Variants in MDGA2 observed in about 807,000 individuals in gnomAD.
The protein encoded by MDGA2 is MAM domain-containing glycosylphosphatidylinositol anchor protein 2.
In MDGA2, 40 loss-of-function variants were observed where a neutral mutation model predicts 117.8. The observed-to-expected ratio is 0.34, with a 90% CI of 0.26 to 0.44. The LOEUF (loss-of-function observed/expected upper bound fraction) is 0.44. Among genes scored for constraint, MDGA2 ranks in the 20% least tolerant of loss-of-function variants. MDGA2 has a pLI of 1.00. For synonymous variants in MDGA2, 452 were observed against 439.0 expected (o/e 1.03, Z -0.37); for missense variants, 1,123 against 1,250.6 (o/e 0.90, Z 1.54).
At chr14:46,970,493 C>G (rs368535006) in intron 8 of MDGA2, among the ~76,000 whole-genome samples, 43 of 152,116 alleles carry the variant, frequency 2.8e-4, no homozygotes, top group South Asian at 2.7e-3. Context: ...AACTGAATAC[C>G]CATATGCAGA....
chr14:47,055,961 G>C (rs554838249), intron 7 of MDGA2, among the ~76,000 whole-genome samples: 1 of 152,098 alleles, frequency 6.6e-6, no homozygotes, highest in Non-Finnish European at 1.5e-5. Flanking sequence ...TTCAAGGAAA[G>C]AAATTAATAT....
intron 6 of MDGA2, among the ~76,000 whole-genome samples, chr14:47,083,285 A>C (rs1049386565): frequency 2.0e-5 from 3 of 152,044 alleles, no homozygotes; most frequent in Non-Finnish European, 4.4e-5. Flanking sequence ...ACTTACTATA[A>C]AATGTCTAAA....
intron 2 of MDGA2, among the ~76,000 whole-genome samples, chr14:47,274,403 T>C (rs901635344): frequency 2.6e-5 from 4 of 152,132 alleles, no homozygotes; most frequent in Admixed American, 6.6e-5. Flanking sequence ...TGCGCATGTA[T>C]TATTAGTTAA....
At chr14:47,108,578 C>G (rs57173471) in intron 5 of MDGA2, among the ~76,000 whole-genome samples, 1 of 151,694 alleles carries the variant, frequency 6.6e-6, no homozygotes, top group Admixed American at 6.6e-5. Context: ...CACTCCTACC[C>G]GCCAGAGAAC....
intron 1 of MDGA2, chr14:47,444,582 AT>A (rs1199637521): frequency 2.0e-5 from 3 of 152,800 alleles, no homozygotes; most frequent in African/African-American, 7.2e-5. Flanking sequence ...CGGTGATTTG[AT>A]TGCCTGTAGG....
intron 5 of MDGA2, among the ~76,000 whole-genome samples, chr14:47,112,410 A>G (rs1328033836): frequency 1.3e-5 from 2 of 152,040 alleles, no homozygotes; most frequent in Admixed American, 1.3e-4. Context: ...TCTACCCCTC[A>G]AGACAGGCTC....
chr14:47,154,045 C>G (rs1883268851), intron 3 of MDGA2, among the ~76,000 whole-genome samples: 1 of 151,888 alleles, frequency 6.6e-6, no homozygotes, highest in South Asian at 2.1e-4. Context: ...TTGGCTCTAA[C>G]AAAAACATAA....
At chr14:47,295,809 T>C (rs7152122) in intron 2 of MDGA2, among the ~76,000 whole-genome samples, 13,864 of 151,992 alleles carry the variant, frequency 0.091, 780 homozygotes, top group Non-Finnish European at 0.11. Flanking sequence ...TAGACTGAGG[T>C]GGGAGAATCA....
chr14:47,595,553 A>AC (rs1459029367), intron 1 of MDGA2, among the ~76,000 whole-genome samples: 121 of 139,742 alleles, frequency 8.7e-4, no homozygotes, highest in African/African-American at 1.3e-3. Flanking sequence ...AAAACAAAAA[A>AC]AAACAAAAAA....
At chr14:47,370,647 T>C (rs944975643) in intron 1 of MDGA2, among the ~76,000 whole-genome samples, 1 of 151,216 alleles carries the variant, frequency 6.6e-6, no homozygotes, top group African/African-American at 2.4e-5. Flanking sequence ...ATATTGTATA[T>C]AATTCAAATT....
At chr14:47,590,182 CTTTCT>C (rs1296539890) in intron 1 of MDGA2, among the ~76,000 whole-genome samples, 8 of 151,942 alleles carry the variant, frequency 5.3e-5, no homozygotes, top group Non-Finnish European at 1.0e-4. Flanking sequence ...CCATTTCTTT[CTTTCT>C]TTTATTTGCT....
At chr14:47,524,866 C>T (rs1002614505) in intron 1 of MDGA2, among the ~76,000 whole-genome samples, 6 of 152,116 alleles carry the variant, frequency 3.9e-5, no homozygotes, top group Admixed American at 3.3e-4. Flanking sequence ...ATTTCTTAAG[C>T]GAGTTGTGGT....
chr14:47,048,264 T>A (rs554557319), intron 7 of MDGA2, among the ~76,000 whole-genome samples: 4 of 152,200 alleles, frequency 2.6e-5, no homozygotes, highest in African/African-American at 9.6e-5. Flanking sequence ...ATGTTATTGC[T>A]TTCTGGTGGA....
At chr14:47,066,603 T>C (rs1468168558) in intron 6 of MDGA2, among the ~76,000 whole-genome samples, 1 of 152,164 alleles carries the variant, frequency 6.6e-6, no homozygotes, top group Admixed American at 6.5e-5. Context: ...ACATCGGCTA[T>C]CAGACAACTC....
At chr14:46,883,132 T>G (rs1012730740) in intron 10 of MDGA2, among the ~76,000 whole-genome samples, 3 of 152,024 alleles carry the variant, frequency 2.0e-5, no homozygotes, top group African/African-American at 7.2e-5. Context: ...TTATTTAATT[T>G]AAACCAAAAA....
chr14:47,640,968 C>A (rs1897412125), intron 1 of MDGA2, among the ~76,000 whole-genome samples: 1 of 151,952 alleles, frequency 6.6e-6, no homozygotes, highest in Non-Finnish European at 1.5e-5. Flanking sequence ...CAACCATTTC[C>A]CGAATAAGCA....
intron 11 of MDGA2, among the ~76,000 whole-genome samples, chr14:46,879,992 CTAT>C (rs1882380528): frequency 6.6e-6 from 1 of 152,054 alleles, no homozygotes; most frequent in Non-Finnish European, 1.5e-5. Flanking sequence ...ACAAAGCATT[CTAT>C]TATCTTTTTA....
intron 1 of MDGA2, among the ~76,000 whole-genome samples, chr14:47,671,041 A>G: frequency 1.3e-5 from 2 of 152,246 alleles, no homozygotes; most frequent in Admixed American, 1.3e-4. Flanking sequence ...TTTTCAAATA[A>G]TTTATATTAC....
intron 1 of MDGA2, among the ~76,000 whole-genome samples, chr14:47,574,505 T>G (rs1371652910): frequency 6.6e-6 from 1 of 152,230 alleles, no homozygotes; most frequent in Non-Finnish European, 1.5e-5. Context: ...ATATTCTTTT[T>G]GCTTTCATAT....
Sources: allele counts gnomAD v4.1 joint callset (sites outside exome capture counted in the v4.1 genomes callset), GRCh38; gene constraint gnomAD v4.1.1; transcripts MANE v1.5; gene names NCBI Gene and HGNC (gene_info 2026-07-23, HGNC 2026-07-21).